GLB1L: variants seen among roughly 807,000 people sequenced by gnomAD.
GLB1L encodes the protein galactosidase beta 1 like, also known as beta-galactosidase-1-like protein.
In GLB1L, 58 loss-of-function variants were observed where a neutral mutation model predicts 75.7. The ratio of observed to expected loss-of-function variants is 0.77; its 90% CI spans 0.62 to 0.95. GLB1L has a LOEUF of 0.95. Ranked by LOEUF, GLB1L falls within the 40% of genes least tolerant of loss-of-function variation. The pLI, the probability that GLB1L is intolerant of heterozygous loss-of-function variation, is 0.00. For missense variants in GLB1L, 797 were observed against 805.5 expected, an observed-to-expected ratio of 0.99 and a Z score of 0.13; for synonymous variants, 296 against 303.0, an observed-to-expected ratio of 0.98 and a Z score of 0.24.
In GLB1L at chr2:219,243,176, G is replaced by C. The variant is rs1306107307; in HGVS notation, c.211C>G (p.Arg71Gly). The stretch of plus-strand genomic sequence containing the variant: ...TGTATGGCGTTGAGGCCGCTCCATC[G>C]CATCTTCAAAAGCCGGTCGGCCCAA... ...VLWADRLLKMRWSGLNAIQFY... is the reference protein window; with the variant it reads ...VLWADRLLKMGWSGLNAIQFY... The change falls in exon 3 of 17, where the codon CGA (arginine) becomes GGA (glycine). Residue 71 changes from arginine to glycine, a missense_variant. By Grantham distance (125) the Arg-to-Gly change is moderately radical (BLOSUM62 -2). Transcript: ENST00000295759. 5 of 1,612,550 alleles carry C rather than the reference G, an allele frequency of 3.1e-6. No individual in the cohort carries two copies. Among genetic ancestry groups the C allele is most frequent in the South Asian group, 1.1e-5 (1 of 90,920 alleles).
chr2:219,239,890 C>T, intron 7 of GLB1L, 30 bp downstream of exon 7: 1 of 1,614,046 alleles, frequency 6.2e-7, no homozygotes, highest in South Asian at 1.1e-5. Context: ...GTCCTTTCCC[C>T]AGACTCCACT....
chr2:219,237,418 T>C, intron 16 of GLB1L, 71 bp from the exon 17 acceptor site: 1 of 1,597,448 alleles, frequency 6.3e-7, no homozygotes. Flanking sequence ...CATACCCTTT[T>C]GGGTTTCTAA....
At position 219,237,347 on chromosome 2, in the gene GLB1L, C is replaced by T. The variant is rs1294708831; in HGVS notation, c.1690G>A (p.Gly564Ser). The T allele has an allele frequency of 1.2e-6, 2 of 1,612,638 alleles. No homozygotes were observed. The highest frequency in any genetic ancestry group is 1.7e-6 in the Non-Finnish European group (2 of 1,179,012). The change falls in exon 17 of 17, where the codon GGC (glycine) becomes AGC (serine). Residue 564 changes from glycine to serine, a missense_variant and splice_region_variant. Coordinates refer to ENST00000295759, the MANE Select transcript of GLB1L (RefSeq NM_001286423.2). ...TTAAACCCATTGATCCAGACTTGGC[C>T]CTGGGGAATAGGGAGCAGGAAAGAG... The part of the protein sequence containing the change: ...TFLYLPGWTK[G>S]QVWINGFNLG...
chr2:219,241,162 C>T (rs1482117580), intron 5 of GLB1L, among the ~76,000 whole-genome samples: 3 of 151,700 alleles, frequency 2.0e-5, no homozygotes, highest in African/African-American at 4.8e-5. Flanking sequence ...TGGCAGATCA[C>T]GAGGTCAGGA....
At chr2:219,243,385 C>T in intron 2 of GLB1L, 71 bp from the exon 3 acceptor site, 1 of 1,589,280 alleles carries the variant, frequency 6.3e-7, no homozygotes, top group East Asian at 2.2e-5. Flanking sequence ...CTGCCAAGAG[C>T]GGAAGAGATG....
intron 2 of GLB1L, 42 bp downstream of exon 2, chr2:219,243,460 C>T (rs1175718182): frequency 6.2e-7 from 1 of 1,610,044 alleles, no homozygotes; most frequent in South Asian, 1.1e-5. Flanking sequence ...GATCTGATCC[C>T]GCTCACCGCA....
At position 219,243,490 on chromosome 2, in the gene GLB1L, G is replaced by C; in HGVS notation, c.72+12C>G. 6.2e-7 allele frequency: 1 copy of C among 1,614,106 alleles called. No homozygotes were observed. Among genetic ancestry groups the C allele is most frequent in the Non-Finnish European group, 8.5e-7 (1 of 1,179,922 alleles). On this transcript the variant is annotated intron_variant, in intron 2 of 16. Transcript: ENST00000295759. ...ACCGCACCCGGCAGGCTGGTTCACCGTCTCATCTTACCTGGGGCAGCAGTA... is the reference window on the plus strand; with the variant it reads ...ACCGCACCCGGCAGGCTGGTTCACCCTCTCATCTTACCTGGGGCAGCAGTA...
At position 219,238,603 on chromosome 2, in the gene GLB1L, A is replaced by G; in HGVS notation, c.1138-19T>C. 1.2e-6 allele frequency: 2 copies of G among 1,608,114 alleles called. No homozygotes were observed. The highest frequency in any genetic ancestry group is 2.2e-5 in the South Asian group (2 of 90,698). ...GCCCAACCTATTAGAATAAGGGAGA[A>G]GAATTAGAATATCAGGGAAGTTTCT... On this transcript the variant is annotated intron_variant, in intron 12 of 16. Coordinates refer to ENST00000295759, the MANE Select transcript of GLB1L (RefSeq NM_001286423.2).
In GLB1L at chr2:219,237,249, C is replaced by T. The variant is rs917499125; in HGVS notation, c.1788G>A (p.Arg596=). 1.2e-6 allele frequency: 2 copies of T among 1,614,134 alleles called. No individual in the cohort carries two copies. The highest frequency in any genetic ancestry group is 1.7e-6 in the Non-Finnish European group (2 of 1,180,026). The change falls in exon 17 of 17, where the codon AGG becomes AGA. Residue 596 remains arginine (R), a synonymous_variant. Coordinates refer to ENST00000295759, the MANE Select transcript of GLB1L (RefSeq NM_001286423.2). ...GCAATGTAATTTTGTTGAGGGCTCC[C>T]CTAGGAAACAGCAGGAATCTTGGCA... ...LYVPRFLLFP[R]GALNKITLLE... is the part of the protein sequence containing the mutation.
In GLB1L at chr2:219,237,536, A is replaced by C. The variant is rs369797599; in HGVS notation, c.1665T>G (p.Phe555Leu). Reference protein sequence around the residue: ...FPILGSVGDTFLYLPGWTKGQ... With the variant: ...FPILGSVGDTLLYLPGWTKGQ... The stretch of plus-strand genomic sequence containing the variant: ...CCTTGGTCCATCCAGGTAGATATAG[A>C]AATGTGTCCCCAACTGAGCCTAAAA... Residue 555 changes from phenylalanine to leucine, a missense_variant, in exon 16 of 17, where the codon TTT (phenylalanine) becomes TTG (leucine). Physicochemically the swap from Phe to Leu is conservative, Grantham distance 22. Coordinates refer to ENST00000295759, the MANE Select transcript of GLB1L (RefSeq NM_001286423.2). The C allele has an allele frequency of 3.3e-5, 53 of 1,614,026 alleles. No homozygotes were observed. Among genetic ancestry groups the C allele is most frequent in the Non-Finnish European group, 4.3e-5 (51 of 1,180,022 alleles).
chr2:219,243,461 G>A, intron 2 of GLB1L, 41 bp downstream of exon 2: 1 of 1,609,140 alleles, frequency 6.2e-7, no homozygotes, highest in Non-Finnish European at 8.5e-7. Context: ...ATCTGATCCC[G>A]CTCACCGCAC....
chr2:219,238,417 T>TG, intron 13 of GLB1L, 54 bp from the exon 14 acceptor site: 1 of 1,559,112 alleles, frequency 6.4e-7, no homozygotes, highest in East Asian at 2.2e-5. Flanking sequence ...GAGGACACTG[T>TG]GACTATAGCC....
chr2:219,238,348 A>AC lies in GLB1L; in HGVS notation c.1242dup (p.Leu415ValfsTer12). The AC allele has an allele frequency of 6.2e-7, 1 of 1,607,386 alleles. No homozygotes were observed. Among genetic ancestry groups the AC allele is most frequent in the South Asian group, 1.1e-5 (1 of 90,374 alleles). ...GTATGGGTCATATAGGTTCGGTACA[A>AC]CATGAAGCCATGGTCCTGGGTATGG... On this transcript the variant is annotated frameshift_variant, in exon 14 of 17. Coordinates refer to ENST00000295759, the MANE Select transcript of GLB1L (RefSeq NM_001286423.2). LOFTEE classifies it high-confidence loss of function.
intron 5 of GLB1L, among the ~76,000 whole-genome samples, chr2:219,241,442 G>GTGTATATATA (rs1382897637): frequency 2.4e-5 from 2 of 82,890 alleles, no homozygotes; most frequent in Non-Finnish European, 4.5e-5. Context: ...GTGTGTGTGT[G>GTGTATATATA]TATATATATA....
chr2:219,237,879 A>T lies in GLB1L; in HGVS notation c.1420T>A (p.Leu474Met). 1 of 1,614,210 alleles carries T rather than the reference A, an allele frequency of 6.2e-7. No homozygotes were observed. The highest frequency in any genetic ancestry group is 8.5e-7 in the Non-Finnish European group (1 of 1,180,032). Residue 474 changes from leucine (L) to methionine (M), a missense_variant, in exon 15 of 17, where the codon TTG becomes ATG. Transcript: ENST00000295759. ...TGKLGSKLDI[L>M]VENMGRLSFG... The stretch of plus-strand genomic sequence containing the variant: ...CTGAGCCTCCCCATGTTCTCCACCA[A>T]GATATCCAGTTTGGACCCCAGTTTC...
intron 5 of GLB1L, among the ~76,000 whole-genome samples, chr2:219,241,056 G>A (rs1014035702): frequency 2.0e-5 from 3 of 151,846 alleles, no homozygotes; most frequent in African/African-American, 7.3e-5. Context: ...ACTCCAGCCT[G>A]GGCAACAGAG....
intron 5 of GLB1L, among the ~76,000 whole-genome samples, chr2:219,241,465 T>TACAC (rs1553567606): frequency 1.9e-4 from 26 of 136,524 alleles, no homozygotes; most frequent in Middle Eastern, 3.7e-3. Flanking sequence ...TATATATATA[T>TACAC]ACATACATAT....
chr2:219,245,148 C>A (rs1951497024), intron 1 of GLB1L, 81 bp downstream of exon 1: 1 of 152,532 alleles, frequency 6.6e-6, no homozygotes, highest in Non-Finnish European at 1.5e-5. Flanking sequence ...ACCAGACCCG[C>A]CCCTCACTGG....
rs1394476492 is a variant in GLB1L at position 219,239,987 on chromosome 2, T to C, written c.654A>G (p.Thr218=). 1.2e-6 allele frequency: 2 copies of C among 1,614,020 alleles called. No homozygotes were observed. The highest frequency in any genetic ancestry group is 2.2e-5 in the East Asian group (1 of 44,896). ...LLGEKILLFT[T]DGPEGLKCGS... ...CACACTTGAGTCCTTCAGGCCCATC[T>C]GTGGTGAAGAGCAAGATCTTTTCTC... Residue 218 remains threonine (T), a synonymous_variant, in exon 7 of 17, where the codon ACA becomes ACG. Coordinates refer to ENST00000295759, the MANE Select transcript of GLB1L (RefSeq NM_001286423.2).
Sources: gnomAD v4.1 joint callset for allele counts (sites outside exome capture counted in the v4.1 genomes callset) on GRCh38, gnomAD v4.1.1 for gene constraint, MANE v1.5 for transcripts, NCBI Gene and HGNC (gene_info 2026-07-23, HGNC 2026-07-21) for gene names.